The following DCHS2 variants were observed in gnomAD, a reference collection of about 807,000 sequenced individuals.
DCHS2 encodes protocadherin-23.
DCHS2 carries 142 observed loss-of-function variants against 182.4 expected under a neutral mutation model. That is an observed-to-expected ratio of 0.78 (90% CI 0.68 to 0.89). DCHS2 has a LOEUF of 0.89. Among genes scored for constraint, DCHS2 ranks in the 40% least tolerant of loss-of-function variants. The pLI is 0.00. For synonymous variants in DCHS2, 1,740 were observed against 1,663.3 expected (o/e 1.05, Z -1.12); for missense variants, 4,319 against 4,198.6 (o/e 1.03, Z -0.79).
chr4:154,326,812 TA>T (rs1224723301), intron 7 of DCHS2, among the ~76,000 whole-genome samples: 2 of 152,176 alleles, frequency 1.3e-5, no homozygotes, highest in Admixed American at 1.3e-4. Context: ...TAAGACTGGG[TA>T]AGGCCAACTT....
chr4:154,300,252 A>G (rs1024476001), intron 12 of DCHS2, among the ~76,000 whole-genome samples: 10 of 152,172 alleles, frequency 6.6e-5, no homozygotes, highest in African/African-American at 2.2e-4. Flanking sequence ...CAAATTGTGA[A>G]GGGCTCTCTG....
intron 17 of DCHS2, 122 bp downstream of exon 17, chr4:154,242,519 AT>A: frequency 7.5e-7 from 1 of 1,341,944 alleles, no homozygotes; most frequent in Non-Finnish European, 9.7e-7. Context: ...GAAGACAAAA[AT>A]GATCTAGTTT....
At chr4:154,246,157 A>T (rs946264787) in intron 16 of DCHS2, among the ~76,000 whole-genome samples, 45 of 152,208 alleles carry the variant, frequency 3.0e-4, no homozygotes, top group African/African-American at 1.1e-3. Flanking sequence ...TATTGCAGTG[A>T]GGTATTGAGA....
chr4:154,454,153 AC>A (rs1734661631), intron 1 of DCHS2, among the ~76,000 whole-genome samples: 1 of 151,886 alleles, frequency 6.6e-6, no homozygotes, highest in Non-Finnish European at 1.5e-5. Context: ...ACACACACAC[AC>A]ACCCCTTGCC....
At chr4:154,431,792 T>C (rs935932314) in intron 1 of DCHS2, among the ~76,000 whole-genome samples, 2 of 152,210 alleles carry the variant, frequency 1.3e-5, no homozygotes, top group African/African-American at 4.8e-5. Context: ...CAGCCTTCTT[T>C]ACATACAGAA....
At chr4:154,425,304 C>T (rs1733280326) in intron 1 of DCHS2, among the ~76,000 whole-genome samples, 2 of 152,198 alleles carry the variant, frequency 1.3e-5, no homozygotes, top group Admixed American at 6.5e-5. Flanking sequence ...TGTGGTTATA[C>T]CCAGTCCCTC....
At chr4:154,408,646 T>C (rs1732497422) in intron 1 of DCHS2, among the ~76,000 whole-genome samples, 1 of 151,982 alleles carries the variant, frequency 6.6e-6, no homozygotes, top group Admixed American at 6.6e-5. Context: ...TACATATTGA[T>C]GAAAATAACT....
At position 154,320,957 on chromosome 4, in the gene DCHS2, G is replaced by T. The variant is rs1453304147; in HGVS notation, c.4442C>A (p.Thr1481Asn). Residue 1481 changes from threonine to asparagine, a missense_variant, in exon 9 of 20, where the codon ACT (threonine) becomes AAT (asparagine). Thr to Asn is a moderately conservative substitution (Grantham distance 65). Transcript: ENST00000357232. ...GGAAAGGTTTTTGCTATGGTCTGTA[G>T]TAATCACTCTGAAAAGATAATGAGA... ...TTSHYLFRVI[T>N]TDHSKNLSLS... The T allele has an allele frequency of 1.9e-6, 3 of 1,613,966 alleles. No homozygotes were observed. The Admixed American group carries it at 5.0e-5, about 27-fold the overall frequency.
chr4:154,276,809 C>T (rs1472830339), intron 13 of DCHS2, among the ~76,000 whole-genome samples: 12 of 152,170 alleles, frequency 7.9e-5, no homozygotes, highest in Non-Finnish European at 1.2e-4. Flanking sequence ...AGTCATGGGA[C>T]ACCAGGCAAG....
chr4:154,438,924 A>C (rs1379581086), intron 1 of DCHS2, among the ~76,000 whole-genome samples: 1 of 152,192 alleles, frequency 6.6e-6, no homozygotes, highest in African/African-American at 2.4e-5. Context: ...AGTTGGGCTC[A>C]TGTCCATCAA....
intron 10 of DCHS2, 85 bp from the exon 11 acceptor site, chr4:154,305,316 G>T: frequency 6.9e-7 from 1 of 1,443,848 alleles, no homozygotes; most frequent in Non-Finnish European, 9.1e-7. Flanking sequence ...CTTTGAACAT[G>T]TTAGGCCATA....
chr4:154,449,347 T>TA (rs942217317), intron 1 of DCHS2, among the ~76,000 whole-genome samples: 11 of 151,784 alleles, frequency 7.2e-5, no homozygotes, highest in Admixed American at 1.3e-4. Flanking sequence ...AATAAAGAAG[T>TA]AAAAAAAATG....
At chr4:154,382,949 T>G (rs1731238438) in intron 1 of DCHS2, among the ~76,000 whole-genome samples, 1 of 151,790 alleles carries the variant, frequency 6.6e-6, no homozygotes, top group African/African-American at 2.4e-5. Flanking sequence ...GGAGATTTAT[T>G]AAAGAACTAC....
chr4:154,381,622 G>A (rs748641421), intron 1 of DCHS2, among the ~76,000 whole-genome samples: 7 of 152,116 alleles, frequency 4.6e-5, no homozygotes, highest in South Asian at 2.1e-4. Flanking sequence ...AAAATCAGTA[G>A]CATTCCTATA....
chr4:154,341,001 A>G (rs562563413), intron 3 of DCHS2, among the ~76,000 whole-genome samples: 112 of 152,340 alleles, frequency 7.4e-4, no homozygotes, highest in African/African-American at 2.3e-3. Context: ...GTAGCCACTC[A>G]AAGAAATGAA....
At chr4:154,431,863 CCTAAGGCT>C (rs150410023) in intron 1 of DCHS2, among the ~76,000 whole-genome samples, 76,854 of 151,458 alleles carry the variant, frequency 0.51, 20,611 homozygotes, top group Middle Eastern at 0.67. Context: ...GCCCAATAAG[CCTAAGGCT>C]TTGGTTCCAA....
chr4:154,368,932 C>T (rs1221113249), intron 2 of DCHS2, among the ~76,000 whole-genome samples: 1 of 152,130 alleles, frequency 6.6e-6, no homozygotes, highest in African/African-American at 2.4e-5. Flanking sequence ...GATTTAAGTG[C>T]TAAAGAGGAC....
chr4:154,488,701 G>A (rs1481460906), intron 1 of DCHS2, among the ~76,000 whole-genome samples: 16 of 152,114 alleles, frequency 1.1e-4, no homozygotes, highest in Non-Finnish European at 2.4e-4. Flanking sequence ...TCAGGAGTTC[G>A]AGACCAGCCT....
At chr4:154,280,500 C>T (rs1218326596) in intron 13 of DCHS2, among the ~76,000 whole-genome samples, 1 of 152,052 alleles carries the variant, frequency 6.6e-6, no homozygotes, top group Non-Finnish European at 1.5e-5. Flanking sequence ...CATAATTCAA[C>T]AGCACATTAA....
Sources: gnomAD v4.1 joint callset for allele counts (sites outside exome capture counted in the v4.1 genomes callset) on GRCh38, gnomAD v4.1.1 for gene constraint, MANE v1.5 for transcripts, NCBI Gene and HGNC (gene_info 2026-07-23, HGNC 2026-07-21) for gene names.